PCDHGA1: variants seen among roughly 807,000 people sequenced by gnomAD.
The protein encoded by PCDHGA1 is protocadherin gamma-A1.
A neutral mutation model predicts 58.0 loss-of-function variants in PCDHGA1; 32 were observed. The observed-to-expected ratio is 0.55, with a 90% CI of 0.42 to 0.74. PCDHGA1 has a LOEUF of 0.74. PCDHGA1 is among the 30% of genes least tolerant of loss of function. The pLI, the probability that PCDHGA1 is intolerant of heterozygous loss-of-function variation, is 0.00. For missense variants in PCDHGA1, 1,205 were observed against 1,182.3 expected, an observed-to-expected ratio of 1.02 and a Z score of -0.28; for synonymous variants, 498 against 501.1, an observed-to-expected ratio of 0.99 and a Z score of 0.08.
At chr5:141,370,490 G>T (rs780342479) in intron 1 of PCDHGA1, 6 of 1,613,894 alleles carry the variant, frequency 3.7e-6, no homozygotes, top group Non-Finnish European at 5.1e-6. Context: ...TCTCCGAACC[G>T]ATCCGCTACG....
chr5:141,413,425 C>T, intron 1 of PCDHGA1: 1 of 1,614,098 alleles, frequency 6.2e-7, no homozygotes, highest in Non-Finnish European at 8.5e-7. Flanking sequence ...TCTGAACCCG[C>T]GCAGCGGCAG....
rs556217163 is a variant in PCDHGA1, at chr5:141,433,697, C to T, written c.2422-61110C>T. Among the ~76,000 whole-genome samples the T allele has an allele frequency of 6.0e-4, 91 of 152,138 alleles. 1 individual carries two copies. Among genetic ancestry groups the T allele is most frequent in the African/African-American group, 2.0e-3 (85 of 41,536 alleles). ...CTAAAAAAATACAAAATTAGCCGGGCGTGGTGGTGCATGTCTGTAATCCCA... is the reference window on the plus strand; with the variant it reads ...CTAAAAAAATACAAAATTAGCCGGGTGTGGTGGTGCATGTCTGTAATCCCA... On this transcript the variant is annotated intron_variant, in intron 1 of 3. Coordinates refer to ENST00000517417, the MANE Select transcript of PCDHGA1 (RefSeq NM_018912.3).
intron 1 of PCDHGA1, chr5:141,352,247 A>G (rs2149768122): frequency 6.2e-7 from 1 of 1,614,076 alleles, no homozygotes; most frequent in South Asian, 1.1e-5. Flanking sequence ...CTTCGCGGAT[A>G]GCCTGCAAGA....
chr5:141,419,748 G>T, intron 1 of PCDHGA1: 1 of 1,613,872 alleles, frequency 6.2e-7, no homozygotes, highest in Non-Finnish European at 8.5e-7. Flanking sequence ...CGCATGGTGC[G>T]TGCTTTGGGT....
intron 2 of PCDHGA1, among the ~76,000 whole-genome samples, chr5:141,502,404 C>G (rs1270930372): frequency 6.6e-6 from 1 of 151,880 alleles, no homozygotes; most frequent in African/African-American, 2.4e-5. Context: ...TGTCCCCGAA[C>G]CTGGATTTGC....
At chr5:141,364,096 G>A in intron 1 of PCDHGA1, 1 of 400,034 alleles carries the variant, frequency 2.5e-6, no homozygotes, top group Non-Finnish European at 4.4e-6. Context: ...GGAATTTGAT[G>A]CAGTCACTGG....
intron 2 of PCDHGA1, among the ~76,000 whole-genome samples, chr5:141,505,177 A>G (rs917485235): frequency 6.6e-6 from 1 of 152,180 alleles, no homozygotes; most frequent in East Asian, 1.9e-4. Flanking sequence ...AAAAGAAAAA[A>G]GCATCGGAGG....
Position 141,431,033 on chromosome 5 carries a change from C to G in PCDHGA1, c.2422-63774C>G, listed in dbSNP as rs1006751011. ...CTTGGTCACGGCGGGCAGGATAGAC[C>G]GGGAGGAGCTCTGTATGGGGGCCAT... On this transcript the variant is annotated intron_variant, in intron 1 of 3. Coordinates refer to ENST00000517417, the MANE Select transcript of PCDHGA1 (RefSeq NM_018912.3). This position sits in a 1 kb window ranked among gnomAD's most constrained non-coding sequence, Gnocchi z 4.8. 1.2e-6 allele frequency: 2 copies of G among 1,613,980 alleles called. No individual in the cohort carries two copies. Among genetic ancestry groups the G allele is most frequent in the Admixed American group, 3.3e-5 (2 of 60,024 alleles).
At chr5:141,451,597 C>CAAGG (rs1434393705) in intron 1 of PCDHGA1, among the ~76,000 whole-genome samples, 3 of 152,076 alleles carry the variant, frequency 2.0e-5, no homozygotes, top group Non-Finnish European at 2.9e-5. Flanking sequence ...AAGTGACATA[C>CAAGG]AAGGCTAGGC....
chr5:141,386,970 C>T (rs767088472), intron 1 of PCDHGA1, among the ~76,000 whole-genome samples: 17 of 152,108 alleles, frequency 1.1e-4, no homozygotes, highest in Non-Finnish European at 2.1e-4. Flanking sequence ...ATCTCAGTGA[C>T]TTTGTGTTTT....
chr5:141,366,284 C>A (rs941616031), intron 1 of PCDHGA1: 1 of 1,613,596 alleles, frequency 6.2e-7, no homozygotes, highest in African/African-American at 1.3e-5. Flanking sequence ...CCATGGCCAG[C>A]CCCCTCTGTC....
Position 141,489,806 on chromosome 5 carries a change from A to G in PCDHGA1, c.2422-5001A>G. 1 of 1,614,198 alleles carries G rather than the reference A, an allele frequency of 6.2e-7. No homozygotes were observed. Among genetic ancestry groups the G allele is most frequent in the South Asian group, 1.1e-5 (1 of 91,082 alleles). Reference sequence around the variant, plus strand: ...AATGTGAAGACCCTAAAAGATGGGAAGCCATTCCCAGAGCTGGTGCTAGAG... The same window carrying G: ...AATGTGAAGACCCTAAAAGATGGGAGGCCATTCCCAGAGCTGGTGCTAGAG... On this transcript the variant is annotated intron_variant, in intron 1 of 3. Coordinates refer to ENST00000517417, the MANE Select transcript of PCDHGA1 (RefSeq NM_018912.3). The surrounding 1 kb of genome is among the most constrained non-coding windows in gnomAD (Gnocchi z 4.5).
At chr5:141,343,399 T>G in intron 1 of PCDHGA1, 1 of 978,656 alleles carries the variant, frequency 1.0e-6, no homozygotes, top group Non-Finnish European at 1.2e-6. Flanking sequence ...GGTGGATATC[T>G]TATCAAATAA....
At chr5:141,355,831 G>T in intron 1 of PCDHGA1, 1 of 1,612,566 alleles carries the variant, frequency 6.2e-7, no homozygotes, top group Non-Finnish European at 8.5e-7. Context: ...TCACCACCTC[G>T]TTCTCACGGC....
At chr5:141,372,842 A>G in intron 1 of PCDHGA1, 1 of 1,515,016 alleles carries the variant, frequency 6.6e-7, no homozygotes, top group Middle Eastern at 1.7e-4. Context: ...TTCCATAAAT[A>G]TAATTGGGTT....
Position 141,485,181 on chromosome 5 carries a change from G to C in PCDHGA1, c.2422-9626G>C. 1 of 1,612,942 alleles carries C rather than the reference G, an allele frequency of 6.2e-7. No individual in the cohort carries two copies. Among genetic ancestry groups the C allele is most frequent in the East Asian group, 2.2e-5 (1 of 44,868 alleles). On this transcript the variant is annotated intron_variant, in intron 1 of 3. Transcript: ENST00000517417. This position sits in a 1 kb window ranked among gnomAD's most constrained non-coding sequence, Gnocchi z 5.7. ...AATTAGCGGGCGGCAGCAATGCTCC[G>C]CAAGGTGAGAAGCTGGACAGAAATC...
intron 1 of PCDHGA1, chr5:141,384,177 T>C (rs1779802926): frequency 6.2e-7 from 1 of 1,613,720 alleles, no homozygotes; most frequent in African/African-American, 1.3e-5. Flanking sequence ...AAGCCACAGA[T>C]GGTGGAACTC....
intron 1 of PCDHGA1, among the ~76,000 whole-genome samples, chr5:141,457,687 G>A (rs2098927754): frequency 6.6e-6 from 1 of 152,198 alleles, no homozygotes; most frequent in Admixed American, 6.5e-5. Context: ...TAGGACTTTT[G>A]GATTGGCTTT....
chr5:141,452,387 G>A (rs1052689230), intron 1 of PCDHGA1, among the ~76,000 whole-genome samples: 5 of 152,146 alleles, frequency 3.3e-5, no homozygotes, highest in African/African-American at 1.2e-4. Context: ...ATAGTATTTA[G>A]AAACTAAGAT....
Sources: gnomAD v4.1 joint callset for allele counts (sites outside exome capture counted in the v4.1 genomes callset) on GRCh38, gnomAD v4.1.1 for gene constraint, Gnocchi (gnomAD v3.1) non-coding constraint, MANE v1.5 for transcripts, NCBI Gene and HGNC (gene_info 2026-07-23, HGNC 2026-07-21) for gene names.